The following SDR16C5 variants were observed in gnomAD, a reference collection of about 807,000 sequenced individuals.
SDR16C5 encodes short chain dehydrogenase/reductase family 16C member 5.
A neutral mutation model predicts 27.7 loss-of-function variants in SDR16C5; 20 were observed. The observed-to-expected ratio is 0.72, with a 90% CI of 0.51 to 1.05. SDR16C5 has a LOEUF of 1.05. Among genes scored for constraint, SDR16C5 ranks in the 50% least tolerant of loss-of-function variants. The probability of loss-of-function intolerance (pLI) is 0.00; values close to 1 mark genes in which losing one functional copy is unlikely to be tolerated. For missense variants in SDR16C5, 374 were observed against 366.3 expected, an observed-to-expected ratio of 1.02 and a Z score of -0.17; for synonymous variants, 139 against 132.3, an observed-to-expected ratio of 1.05 and a Z score of -0.35.
At chr8:56,315,149 G>T (rs868290848) in intron 2 of SDR16C5, among the ~76,000 whole-genome samples, 1 of 151,974 alleles carries the variant, frequency 6.6e-6, no homozygotes, top group South Asian at 2.1e-4. Context: ...GGGGGCTGAG[G>T]CAAGAGAATC....
rs1447203282 is a variant in SDR16C5 at position 56,303,329 on chromosome 8, A to G, written c.837-1756T>C. 2.7e-5 allele frequency among the ~76,000 whole-genome samples: 4 copies of G among 149,332 alleles called. No individual in the cohort carries two copies. The East Asian group carries it at 7.8e-4, about 29-fold the overall frequency. On this transcript the variant is annotated intron_variant, in intron 6 of 6. Coordinates refer to ENST00000303749, the MANE Select transcript of SDR16C5 (RefSeq NM_138969.4). ...ACTCCATCTTTAAAAAAAAAAAAAA[A>G]GAAAAAAAAAAGTAAAACTCAACTT...
chr8:56,311,876 A>C (rs1815052501), intron 3 of SDR16C5, among the ~76,000 whole-genome samples: 1 of 152,190 alleles, frequency 6.6e-6, no homozygotes, highest in African/African-American at 2.4e-5. Flanking sequence ...TAAGGAAAAT[A>C]TGTGAGCCAC....
At chr8:56,317,897 C>T (rs1278119502) in intron 1 of SDR16C5, among the ~76,000 whole-genome samples, 1 of 152,170 alleles carries the variant, frequency 6.6e-6, no homozygotes, top group Admixed American at 6.5e-5. Context: ...AGGGGATGGG[C>T]AGCCTCTCAT....
chr8:56,307,192 G>A (rs1044457935), intron 4 of SDR16C5, among the ~76,000 whole-genome samples: 1 of 152,042 alleles, frequency 6.6e-6, no homozygotes, highest in African/African-American at 2.4e-5. Flanking sequence ...TTCAAAAGAA[G>A]AAATAAAACA....
At chr8:56,307,890 G>A (rs751722021) in intron 4 of SDR16C5, among the ~76,000 whole-genome samples, 5 of 152,186 alleles carry the variant, frequency 3.3e-5, no homozygotes, top group African/African-American at 9.7e-5. Context: ...CTGCAGGTGC[G>A]AGAGTCCTGT....
intron 5 of SDR16C5, 79 bp from the exon 6 acceptor site, chr8:56,305,801 A>T (rs2129257650): frequency 6.9e-7 from 1 of 1,444,220 alleles, no homozygotes; most frequent in East Asian, 2.4e-5. Flanking sequence ...CAAATTAGGG[A>T]TAAAAGGTTT....
At chr8:56,310,063 G>T (rs72656057) in intron 3 of SDR16C5, among the ~76,000 whole-genome samples, 17,530 of 146,884 alleles carry the variant, frequency 0.12, 1,264 homozygotes, top group South Asian at 0.19. Flanking sequence ...GGTAGAGGAG[G>T]AGTTGGAGTT....
chr8:56,319,782 G>A (rs1815287866), intron 1 of SDR16C5, among the ~76,000 whole-genome samples: 1 of 152,180 alleles, frequency 6.6e-6, no homozygotes, highest in African/African-American at 2.4e-5. Context: ...CCTCTGCTCC[G>A]GGTGGGGAGG....
At chr8:56,315,889 T>A (rs1170008394) in intron 2 of SDR16C5, 126 bp downstream of exon 2, 3 of 684,926 alleles carry the variant, frequency 4.4e-6, no homozygotes, top group Non-Finnish European at 7.7e-6. Flanking sequence ...AAATCCCAAT[T>A]CCCATTCTCC....
chr8:56,303,314 T>TTA (rs1285233458), intron 6 of SDR16C5, among the ~76,000 whole-genome samples: 1 of 136,198 alleles, frequency 7.3e-6, no homozygotes, highest in Non-Finnish European at 1.6e-5. Flanking sequence ...ACTCCATCTT[T>TTA]AAAAAAAAAA....
At chr8:56,315,240 C>A in intron 2 of SDR16C5, among the ~76,000 whole-genome samples, 2 of 135,102 alleles carry the variant, frequency 1.5e-5, no homozygotes, top group Non-Finnish European at 1.6e-5. Flanking sequence ...AGTGAAACTC[C>A]ATCTCAAAAA....
intron 1 of SDR16C5, among the ~76,000 whole-genome samples, chr8:56,317,064 C>A (rs1815218396): frequency 6.6e-6 from 1 of 152,164 alleles, no homozygotes; most frequent in African/African-American, 2.4e-5. Flanking sequence ...GACCTGGACT[C>A]CTGCCCTGCA....
intron 6 of SDR16C5, among the ~76,000 whole-genome samples, chr8:56,302,159 G>A (rs1387604625): frequency 1.3e-5 from 2 of 152,148 alleles, no homozygotes; most frequent in Non-Finnish European, 2.9e-5. Context: ...TGCTCCACTG[G>A]CCTTTGCATT....
At chr8:56,309,456 C>T (rs1814969272) in intron 3 of SDR16C5, 1 of 985,266 alleles carries the variant, frequency 1.0e-6, no homozygotes, top group South Asian at 4.7e-5. Flanking sequence ...TGGCTGTTGA[C>T]TTCAATTTTA....
At chr8:56,319,242 C>G (rs1815273466) in intron 1 of SDR16C5, among the ~76,000 whole-genome samples, 1 of 152,106 alleles carries the variant, frequency 6.6e-6, no homozygotes, top group African/African-American at 2.4e-5. Context: ...TACATGTCTC[C>G]CCCTCTGCTC....
At chr8:56,303,776 G>A (rs1814816799) in intron 6 of SDR16C5, among the ~76,000 whole-genome samples, 1 of 152,094 alleles carries the variant, frequency 6.6e-6, no homozygotes, top group African/African-American at 2.4e-5. Context: ...ATTAAGTTCC[G>A]TGTTCTTACC....
At chr8:56,301,611 T>A (rs1814757178) in intron 6 of SDR16C5, 38 bp from the exon 7 acceptor site, 1 of 1,465,712 alleles carries the variant, frequency 6.8e-7, no homozygotes, top group Admixed American at 1.7e-5. Context: ...TTTATTATCA[T>A]TCATGAAAGC....
intron 2 of SDR16C5, among the ~76,000 whole-genome samples, chr8:56,314,771 C>A (rs1240727140): frequency 3.3e-5 from 5 of 152,204 alleles, no homozygotes; most frequent in African/African-American, 1.2e-4. Flanking sequence ...CAGGGACCTG[C>A]AAACCTTAGC....
intron 5 of SDR16C5, among the ~76,000 whole-genome samples, 185 bp from the exon 6 acceptor site, chr8:56,305,907 A>G (rs1814870765): frequency 6.6e-6 from 1 of 152,250 alleles, no homozygotes; most frequent in Non-Finnish European, 1.5e-5. Context: ...GTAGTAACAT[A>G]ACTAAAATAT....
Sources: gnomAD v4.1 joint callset for allele counts (sites outside exome capture counted in the v4.1 genomes callset) on GRCh38, gnomAD v4.1.1 for gene constraint, MANE v1.5 for transcripts, NCBI Gene and HGNC (gene_info 2026-07-23, HGNC 2026-07-21) for gene names.